Variants in SLC9A8 observed in about 807,000 individuals in gnomAD.
SLC9A8 encodes sodium/hydrogen exchanger 8.
Under a neutral mutation model 66.6 loss-of-function variants are expected in SLC9A8, and 48 were observed. The ratio of observed to expected loss-of-function variants is 0.72; its 90% CI spans 0.57 to 0.92. The LOEUF is 0.92. Ranked by LOEUF, SLC9A8 falls within the 40% of genes least tolerant of loss-of-function variation. SLC9A8 has a pLI of 0.00. For missense variants in SLC9A8, 599 were observed against 747.3 expected, an observed-to-expected ratio of 0.80 and a Z score of 2.31; for synonymous variants, 274 against 282.6, an observed-to-expected ratio of 0.97 and a Z score of 0.31.
intron 4 of SLC9A8, among the ~76,000 whole-genome samples, chr20:49,843,197 G>T (rs55746532): frequency 6.6e-6 from 1 of 151,298 alleles, no homozygotes; most frequent in Non-Finnish European, 1.5e-5. Flanking sequence ...TTCCTGGGGT[G>T]GGGGGGGCTA....
In SLC9A8 at chr20:49,864,881, G is replaced by A. The variant is rs775427117; in HGVS notation, c.958+37G>A. The A allele has an allele frequency of 4.4e-6, 6 of 1,355,650 alleles. No homozygotes were observed. The South Asian group carries it at 5.8e-5, about 13-fold the overall frequency. 84.0% of individuals were successfully genotyped at this position (1,355,650 alleles called of 1,614,324 possible). Reference sequence around the variant, plus strand: ...AGAGCCTGAAAGTGCTGTGGTGATGGCATCTTGTCCTGCCTGGGGAAAGAG... The same window carrying A: ...AGAGCCTGAAAGTGCTGTGGTGATGACATCTTGTCCTGCCTGGGGAAAGAG... On this transcript the variant is annotated intron_variant, in intron 10 of 15. Coordinates refer to ENST00000361573, the MANE Select transcript of SLC9A8 (RefSeq NM_015266.3).
chr20:49,839,531 T>C lies in SLC9A8; in HGVS notation c.290-10T>C. 1.3e-6 allele frequency: 2 copies of C among 1,489,340 alleles called. No homozygotes were observed. The highest frequency in any genetic ancestry group is 1.9e-6 in the Non-Finnish European group (2 of 1,077,578). 92.3% of individuals were successfully genotyped at this position (1,489,340 alleles called of 1,614,324 possible). On this transcript the variant is annotated splice_polypyrimidine_tract_variant and intron_variant, in intron 3 of 15. Coordinates refer to ENST00000361573, the MANE Select transcript of SLC9A8 (RefSeq NM_015266.3). The stretch of plus-strand genomic sequence containing the variant: ...TAAATTTATGTTAAAGTTTACATTT[T>C]CTCTTGTAGGTATTCTCATGGGAGC...
chr20:49,864,944 G>T (rs1316270719), intron 10 of SLC9A8, 100 bp downstream of exon 10: 3 of 778,144 alleles, frequency 3.9e-6, no homozygotes, highest in Non-Finnish European at 6.9e-6. Flanking sequence ...ACAAGAGACA[G>T]TCACAACTCA....
At chr20:49,828,552 AAAG>A (rs1404179932) in intron 3 of SLC9A8, among the ~76,000 whole-genome samples, 1 of 150,794 alleles carries the variant, frequency 6.6e-6, no homozygotes, top group African/African-American at 2.4e-5. Flanking sequence ...AAAAAAAAAA[AAAG>A]GGCCTGGCAC....
At chr20:49,874,261 C>T (rs963446444) in intron 10 of SLC9A8, among the ~76,000 whole-genome samples, 1 of 151,672 alleles carries the variant, frequency 6.6e-6, no homozygotes, top group Non-Finnish European at 1.5e-5. Context: ...TCTGTCCCCC[C>T]CCCAAAAAAA....
chr20:49,864,046 G>T (rs1307241558), intron 9 of SLC9A8: 1 of 151,928 alleles, frequency 6.6e-6, no homozygotes, highest in Non-Finnish European at 1.5e-5. Context: ...TTCCAGTTCA[G>T]TATTTTCCTC....
chr20:49,886,635 G>T lies in SLC9A8; in HGVS notation c.1492-117G>T. The T allele has an allele frequency of 8.1e-7, 1 of 1,228,526 alleles. No individual in the cohort carries two copies. The allele number at this position is 1,228,526 out of a possible 1,614,324, so 76.1% of individuals were successfully genotyped here. On this transcript the variant is annotated intron_variant, in intron 14 of 15. Coordinates refer to ENST00000361573, the MANE Select transcript of SLC9A8 (RefSeq NM_015266.3). The surrounding 1 kb of genome is among the most constrained non-coding windows in gnomAD (Gnocchi z 4.8). ...CTGCTGCCCGTCACCCTGCATTGAT[G>T]GTCAAGTGGAGTTAGGGTTGGGGAC...
intron 10 of SLC9A8, among the ~76,000 whole-genome samples, chr20:49,867,505 C>G (rs960046856): frequency 1.3e-5 from 2 of 152,116 alleles, no homozygotes; most frequent in African/African-American, 4.8e-5. Context: ...TGGTTCTTTC[C>G]CCAGCTTCTT....
At chr20:49,875,068 A>G (rs533942580) in intron 11 of SLC9A8, among the ~76,000 whole-genome samples, 3 of 152,230 alleles carry the variant, frequency 2.0e-5, no homozygotes, top group Non-Finnish European at 4.4e-5. Flanking sequence ...AGAACCAATT[A>G]TGAACATTTG....
intron 3 of SLC9A8, among the ~76,000 whole-genome samples, chr20:49,824,448 G>A (rs962347181): frequency 3.3e-5 from 5 of 152,082 alleles, no homozygotes; most frequent in East Asian, 1.9e-4. Context: ...TGGGACATTC[G>A]GTAAAGGCTC....
At chr20:49,838,698 A>G (rs1271488412) in intron 3 of SLC9A8, among the ~76,000 whole-genome samples, 1 of 152,120 alleles carries the variant, frequency 6.6e-6, no homozygotes, top group Non-Finnish European at 1.5e-5. Context: ...CTCCATGGGA[A>G]AGTGAAGTCT....
At chr20:49,884,284 CA>C (rs2089785372) in intron 14 of SLC9A8, 1 of 294,792 alleles carries the variant, frequency 3.4e-6, no homozygotes, top group Admixed American at 5.2e-5. Flanking sequence ...GACACACACA[CA>C]CACGACACAC....
chr20:49,831,553 A>G (rs1004958350), intron 3 of SLC9A8, among the ~76,000 whole-genome samples: 1 of 152,066 alleles, frequency 6.6e-6, no homozygotes, highest in African/African-American at 2.4e-5. Flanking sequence ...ATCAGCAATG[A>G]GAGTTGGAAG....
At chr20:49,868,382 A>G (rs1255536320) in intron 10 of SLC9A8, among the ~76,000 whole-genome samples, 1 of 152,198 alleles carries the variant, frequency 6.6e-6, no homozygotes, top group Non-Finnish European at 1.5e-5. Flanking sequence ...TTTGTCACGC[A>G]GGGTTTTCAG....
rs112348486 is a variant in SLC9A8 at position 49,852,901 on chromosome 20, G to A, written c.569+2057G>A. Among the ~76,000 whole-genome samples the A allele has an allele frequency of 5.8e-3, 880 of 151,872 alleles. 15 individuals carry two copies. The highest frequency in any genetic ancestry group is 0.02 in the African/African-American group (839 of 41,266). On this transcript the variant is annotated intron_variant, in intron 7 of 15. Coordinates refer to ENST00000361573, the MANE Select transcript of SLC9A8 (RefSeq NM_015266.3). ...TTTATTTTGCCAAGGTTGAGCATGC[G>A]CACCCGTGACAGCCTCAGGAGGTCC...
At chr20:49,846,247 T>A (rs2087984482) in intron 5 of SLC9A8, among the ~76,000 whole-genome samples, 1 of 152,138 alleles carries the variant, frequency 6.6e-6, no homozygotes, top group Non-Finnish European at 1.5e-5. Flanking sequence ...ATAAATGTAT[T>A]TAAGTTTTAA....
At position 49,887,979 on chromosome 20, in the gene SLC9A8, G is replaced by A. The variant is rs1014069033; in HGVS notation, c.*43G>A. 6.8e-6 allele frequency: 10 copies of A among 1,476,956 alleles called. No homozygotes were observed. Among genetic ancestry groups the A allele is most frequent in the African/African-American group, 2.8e-5 (2 of 72,226 alleles). 91.5% of individuals were successfully genotyped at this position (1,476,956 alleles called of 1,614,324 possible). ...TCAGGCAGGCAGGCCCAGGATGGGC[G>A]TTTGCTGCGCACAGACACTCAGCAG... On this transcript the variant is annotated 3_prime_UTR_variant, in exon 16 of 16. Transcript: ENST00000361573.
At chr20:49,842,479 C>T (rs1021668778) in intron 4 of SLC9A8, among the ~76,000 whole-genome samples, 1 of 152,152 alleles carries the variant, frequency 6.6e-6, no homozygotes, top group Non-Finnish European at 1.5e-5. Context: ...CATCAGAGGT[C>T]AAGTCTGCTC....
At chr20:49,879,060 T>C (rs1432794292) in intron 12 of SLC9A8, among the ~76,000 whole-genome samples, 1 of 150,394 alleles carries the variant, frequency 6.6e-6, no homozygotes. Context: ...GTGTGGCCAC[T>C]GGGGAAAAGG....
Sources: gnomAD v4.1 joint callset for allele counts (sites outside exome capture counted in the v4.1 genomes callset) on GRCh38, gnomAD v4.1.1 for gene constraint, Gnocchi (gnomAD v3.1) non-coding constraint, MANE v1.5 for transcripts, NCBI Gene and HGNC (gene_info 2026-07-23, HGNC 2026-07-21) for gene names.